CNTNAP2: variants seen among roughly 807,000 people sequenced by gnomAD.
The protein encoded by CNTNAP2 is contactin associated protein 2.
Under a neutral mutation model 155.2 loss-of-function variants are expected in CNTNAP2, and 98 were observed. The ratio of observed to expected loss-of-function variants is 0.63; its 90% CI spans 0.54 to 0.75. The LOEUF (loss-of-function observed/expected upper bound fraction) is 0.75, where lower values mean the gene tolerates loss of function less well. CNTNAP2 is among the 30% of genes least tolerant of loss of function. The probability of loss-of-function intolerance (pLI) is 0.00; values close to 1 mark genes in which losing one functional copy is unlikely to be tolerated. For synonymous variants in CNTNAP2, 651 were observed against 631.2 expected (o/e 1.03, Z -0.47); for missense variants, 1,727 against 1,688.1 (o/e 1.02, Z -0.40).
At chr7:147,942,176 A>G (rs962430752) in intron 14 of CNTNAP2, among the ~76,000 whole-genome samples, 2 of 152,332 alleles carry the variant, frequency 1.3e-5, no homozygotes, top group African/African-American at 4.8e-5. Flanking sequence ...TCAAGATCCA[A>G]TACAACAATG....
intron 13 of CNTNAP2, among the ~76,000 whole-genome samples, chr7:147,839,939 T>TAC (rs376480999): frequency 1.3e-3 from 193 of 149,852 alleles, no homozygotes; most frequent in Middle Eastern, 7.0e-3. Flanking sequence ...TATATATGTA[T>TAC]ACACACACAC....
intron 14 of CNTNAP2, among the ~76,000 whole-genome samples, chr7:147,931,850 T>C (rs1479345226): frequency 2.0e-5 from 3 of 152,050 alleles, no homozygotes; most frequent in Non-Finnish European, 4.4e-5. Flanking sequence ...CTATCAAAAT[T>C]CCAATAACAT....
chr7:147,025,143 G>T (rs78889580), intron 3 of CNTNAP2, among the ~76,000 whole-genome samples: 14,353 of 148,480 alleles, frequency 0.097, 1,038 homozygotes, highest in East Asian at 0.25. Context: ...AAAATTAGCC[G>T]GGTGTGGTGG....
intron 13 of CNTNAP2, among the ~76,000 whole-genome samples, chr7:147,762,302 C>T (rs1246275608): frequency 6.6e-6 from 1 of 151,968 alleles, no homozygotes; most frequent in East Asian, 1.9e-4. Context: ...CAAAGTATAG[C>T]TGAAAATTCA....
chr7:147,849,279 G>A (rs1177007), intron 13 of CNTNAP2, among the ~76,000 whole-genome samples: 107,489 of 152,142 alleles, frequency 0.71, 38,195 homozygotes, highest in Middle Eastern at 0.81. Flanking sequence ...CAATAAACAC[G>A]ATTATGAATG....
At chr7:146,205,883 T>G (rs987620960) in intron 1 of CNTNAP2, among the ~76,000 whole-genome samples, 5 of 151,952 alleles carry the variant, frequency 3.3e-5, no homozygotes, top group African/African-American at 1.2e-4. Flanking sequence ...TTATTCTTTC[T>G]GTCTCTGGGA....
intron 1 of CNTNAP2, among the ~76,000 whole-genome samples, chr7:146,390,297 A>ATAG (rs1380576490): frequency 6.6e-6 from 1 of 152,070 alleles, no homozygotes; most frequent in African/African-American, 2.4e-5. Context: ...AAATACACAA[A>ATAG]TAGTACAAGG....
intron 14 of CNTNAP2, chr7:147,940,445 C>A (rs974615305): frequency 6.6e-6 from 1 of 151,742 alleles, no homozygotes; most frequent in Non-Finnish European, 1.5e-5. Flanking sequence ...AGATACAATA[C>A]GATCAATACA....
chr7:147,267,584 T>C (rs1331642465), intron 8 of CNTNAP2, among the ~76,000 whole-genome samples: 2 of 151,886 alleles, frequency 1.3e-5, no homozygotes, highest in African/African-American at 4.8e-5. Flanking sequence ...ATTCCTATAA[T>C]AGTGCTGCTA....
chr7:146,762,643 GT>G (rs1802123152), intron 1 of CNTNAP2, among the ~76,000 whole-genome samples: 1 of 152,056 alleles, frequency 6.6e-6, no homozygotes, highest in Non-Finnish European at 1.5e-5. Context: ...GTAGTAGTCT[GT>G]TCTCACACTG....
intron 13 of CNTNAP2, among the ~76,000 whole-genome samples, chr7:147,852,321 G>C (rs1798961202): frequency 1.3e-5 from 2 of 152,138 alleles, no homozygotes; most frequent in Non-Finnish European, 2.9e-5. Flanking sequence ...CAATTACAGA[G>C]GAGGTATGAA....
chr7:147,908,586 G>A (rs1296137754), intron 14 of CNTNAP2, among the ~76,000 whole-genome samples: 2 of 152,188 alleles, frequency 1.3e-5, no homozygotes, highest in Non-Finnish European at 2.9e-5. Flanking sequence ...CACTGTCCAG[G>A]CAACCTGGAG....
chr7:147,588,287 T>C (rs1431814272), intron 12 of CNTNAP2, among the ~76,000 whole-genome samples: 1 of 152,082 alleles, frequency 6.6e-6, no homozygotes, highest in East Asian at 1.9e-4. Context: ...AGGGAAAAGA[T>C]GATCCCAGGA....
At chr7:146,153,527 A>G (rs920538739) in intron 1 of CNTNAP2, among the ~76,000 whole-genome samples, 2 of 152,202 alleles carry the variant, frequency 1.3e-5, no homozygotes, top group Non-Finnish European at 2.9e-5. Flanking sequence ...AAGGCTTACA[A>G]AACCACTAGT....
At chr7:148,305,139 C>T (rs1026128766) in intron 21 of CNTNAP2, among the ~76,000 whole-genome samples, 22 of 141,242 alleles carry the variant, frequency 1.6e-4, no homozygotes, top group Non-Finnish European at 2.7e-4. Flanking sequence ...GGGAGGATCA[C>T]TTGAGCCCAG....
In CNTNAP2 at chr7:147,132,510, G is replaced by C; in HGVS notation, c.1348+1G>C. On this transcript the variant is annotated splice_donor_variant, in intron 8 of 23. Coordinates refer to ENST00000361727, the MANE Select transcript of CNTNAP2 (RefSeq NM_014141.6). LOFTEE classifies it high-confidence loss of function. ...ATGAGCCAAATCGATATTTCCTCAG[G>C]TCAGTGAAACCTATTTGACATTTGT... 2 of 1,613,422 alleles carry C rather than the reference G, an allele frequency of 1.2e-6. No homozygotes were observed. Among genetic ancestry groups the C allele is most frequent in the Non-Finnish European group, 8.5e-7 (1 of 1,179,598 alleles).
At chr7:147,200,352 C>A (rs993422353) in intron 8 of CNTNAP2, among the ~76,000 whole-genome samples, 3 of 152,086 alleles carry the variant, frequency 2.0e-5, no homozygotes, top group Non-Finnish European at 4.4e-5. Context: ...GCTTCTGGGT[C>A]TGGGATGAAG....
intron 1 of CNTNAP2, among the ~76,000 whole-genome samples, chr7:146,145,022 T>G (rs554933327): frequency 6.6e-6 from 1 of 152,122 alleles, no homozygotes; most frequent in Non-Finnish European, 1.5e-5. Context: ...TTTGATGAAT[T>G]TTGTCCAAAC....
chr7:146,530,358 G>T (rs1435423812), intron 1 of CNTNAP2, among the ~76,000 whole-genome samples: 14 of 151,980 alleles, frequency 9.2e-5, no homozygotes, highest in Non-Finnish European at 1.0e-4. Context: ...AGCAATGACA[G>T]CAAAAACAAA....
Sources: allele counts gnomAD v4.1 joint callset (sites outside exome capture counted in the v4.1 genomes callset), GRCh38; gene constraint gnomAD v4.1.1; transcripts MANE v1.5; gene names NCBI Gene and HGNC (gene_info 2026-07-23, HGNC 2026-07-21).